The following RPS6KA2 variants were observed in gnomAD, a reference collection of about 807,000 sequenced individuals.
The protein encoded by RPS6KA2 is ribosomal protein S6 kinase alpha-2.
In RPS6KA2, 42 loss-of-function variants were observed where a neutral mutation model predicts 91.8. That is an observed-to-expected ratio of 0.46 (90% CI 0.36 to 0.59). RPS6KA2 has a LOEUF of 0.59. Ranked by LOEUF, RPS6KA2 falls within the 20% of genes least tolerant of loss-of-function variation. The pLI is 0.00. For missense variants in RPS6KA2, 798 were observed against 978.5 expected (o/e 0.82, Z 2.46); for synonymous variants, 414 against 393.6 (o/e 1.05, Z -0.61).
Position 166,445,706 on chromosome 6 carries a change from C to T in RPS6KA2, c.1332+3018G>A, listed in dbSNP as rs913833874. 6.6e-6 allele frequency among the ~76,000 whole-genome samples: 1 copy of T among 152,168 alleles called. No individual in the cohort carries two copies. The highest frequency in any genetic ancestry group is 6.5e-5 in the Admixed American group (1 of 15,280). On this transcript the variant is annotated intron_variant, in intron 14 of 20. Coordinates refer to ENST00000265678, the MANE Select transcript of RPS6KA2 (RefSeq NM_021135.6). This position sits in a 1 kb window ranked among gnomAD's most constrained non-coding sequence, Gnocchi z 4.5. ...CTCGGTGGGGACATTTCTGGGTCAT[C>T]CCTGCCATTGAATGGGAGGATGCCC...
At chr6:166,531,196 T>C (rs771580302) in intron 3 of RPS6KA2, 36 bp downstream of exon 3, 18 of 1,381,182 alleles carry the variant, frequency 1.3e-5, no homozygotes, top group Non-Finnish European at 8.2e-6. Context: ...TGCAGTTACC[T>C]GTCTCTGAAG....
intron 2 of RPS6KA2, among the ~76,000 whole-genome samples, chr6:166,676,519 C>T (rs1562377211): frequency 6.6e-6 from 1 of 152,110 alleles, no homozygotes; most frequent in East Asian, 1.9e-4. Flanking sequence ...GGGAAGATTC[C>T]TCTTGATTTG....
chr6:166,424,293 C>T (rs1209970862), intron 16 of RPS6KA2, among the ~76,000 whole-genome samples: 1 of 151,212 alleles, frequency 6.6e-6, no homozygotes, highest in Non-Finnish European at 1.5e-5. Flanking sequence ...AAGGGCTTCC[C>T]CTGAGTTTGA....
At chr6:166,460,962 G>A (rs1470929321) in intron 11 of RPS6KA2, 1 of 152,218 alleles carries the variant, frequency 6.6e-6, no homozygotes. Context: ...TCTGACATCT[G>A]GGTCCCACCT....
chr6:166,705,995 G>A (rs1337821147), intron 2 of RPS6KA2, among the ~76,000 whole-genome samples: 4 of 152,204 alleles, frequency 2.6e-5, no homozygotes, highest in African/African-American at 7.2e-5. Flanking sequence ...TCCACCACGT[G>A]AGGACTTGGC....
At chr6:166,581,384 C>T (rs1326568591) in intron 1 of RPS6KA2, among the ~76,000 whole-genome samples, 1 of 152,174 alleles carries the variant, frequency 6.6e-6, no homozygotes, top group Non-Finnish European at 1.5e-5. Flanking sequence ...TCTACACCCA[C>T]CTGGATGCGC....
Position 166,447,377 on chromosome 6 carries a change from T to C in RPS6KA2, c.1332+1347A>G, listed in dbSNP as rs888977295. ...AGATGGTATCAGAGCAAATCACAAATTGATTATTTCTCCATATTTAAACTT... is the reference window on the plus strand; with the variant it reads ...AGATGGTATCAGAGCAAATCACAAACTGATTATTTCTCCATATTTAAACTT... On this transcript the variant is annotated intron_variant, in intron 14 of 20. Transcript: ENST00000265678. Among the ~76,000 whole-genome samples the C allele has an allele frequency of 5.5e-4, 84 of 152,340 alleles. 1 individual carries two copies. Among genetic ancestry groups the C allele is most frequent in the Non-Finnish European group, 2.2e-4 (15 of 68,030 alleles).
intron 2 of RPS6KA2, among the ~76,000 whole-genome samples, chr6:166,776,479 A>G (rs1251225207): frequency 6.7e-6 from 1 of 148,760 alleles, no homozygotes; most frequent in African/African-American, 2.6e-5. Flanking sequence ...AACATGAATG[A>G]TGAGGTGGCG....
chr6:166,626,214 A>G lies in RPS6KA2; in HGVS notation c.99+707T>C, dbSNP rs111947964. 2.0e-3 allele frequency among the ~76,000 whole-genome samples: 308 copies of G among 152,358 alleles called. No individual in the cohort carries two copies. The highest frequency in any genetic ancestry group is 7.1e-3 in the African/African-American group (294 of 41,586). ...TTTGATGGTTGAAATAAAACACACCACGAGAGAACCGTCCACAAGGAAACT... is the reference window on the plus strand; with the variant it reads ...TTTGATGGTTGAAATAAAACACACCGCGAGAGAACCGTCCACAAGGAAACT... On this transcript the variant is annotated intron_variant, in intron 1 of 20. Transcript: ENST00000265678. This position sits in a 1 kb window ranked among gnomAD's most constrained non-coding sequence, Gnocchi z 4.1.
chr6:166,532,909 G>A (rs958560910), intron 2 of RPS6KA2, among the ~76,000 whole-genome samples: 2 of 152,126 alleles, frequency 1.3e-5, no homozygotes, highest in East Asian at 1.9e-4. Flanking sequence ...GCCCTGGGGC[G>A]ATAGCTGGGG....
At chr6:166,645,275 C>G (rs934266917) in intron 2 of RPS6KA2, among the ~76,000 whole-genome samples, 1 of 152,168 alleles carries the variant, frequency 6.6e-6, no homozygotes, top group Non-Finnish European at 1.5e-5. Context: ...CAAAGGGTGA[C>G]CAGGCTGCCA....
At chr6:166,717,676 A>G (rs1790050729) in intron 2 of RPS6KA2, among the ~76,000 whole-genome samples, 1 of 152,206 alleles carries the variant, frequency 6.6e-6, no homozygotes, top group Non-Finnish European at 1.5e-5. Context: ...GTGGTAGTGC[A>G]TATCTCTCTA....
Position 166,855,344 on chromosome 6 carries a change from C to T in RPS6KA2, c.123+2856G>A, listed in dbSNP as rs9364880. 0.022 allele frequency among the ~76,000 whole-genome samples: 3,205 copies of T among 147,936 alleles called. 233 individuals are homozygous for T. The East Asian group carries it at 0.27, about 13-fold the overall frequency. On this transcript the variant is annotated intron_variant, in intron 2 of 21. Coordinates refer to the RPS6KA2 transcript ENST00000503859. ...TAAATCTATTAAAAGACGAAGAAGA[C>T]GAAGAAGACAAAGATGAAGATGAAG...
intron 1 of RPS6KA2, among the ~76,000 whole-genome samples, chr6:166,545,894 A>G (rs1012829360): frequency 5.3e-5 from 8 of 152,206 alleles, no homozygotes; most frequent in African/African-American, 2.4e-5. Context: ...CCCACAGAAA[A>G]GACGTGCAAA....
intron 3 of RPS6KA2, among the ~76,000 whole-genome samples, chr6:166,527,723 C>G (rs115639476): frequency 6.6e-6 from 1 of 152,132 alleles, no homozygotes; most frequent in South Asian, 2.1e-4. Flanking sequence ...TCTCTCACCC[C>G]CCAGCCTAGG....
intron 3 of RPS6KA2, 148 bp from the exon 4 acceptor site, chr6:166,510,505 C>A (rs2128482747): frequency 2.7e-6 from 1 of 370,294 alleles, no homozygotes; most frequent in Non-Finnish European, 4.8e-6. Context: ...GTACAATAAT[C>A]CTAGATTTAA....
intron 8 of RPS6KA2, among the ~76,000 whole-genome samples, chr6:166,496,784 G>C (rs1781800688): frequency 6.6e-6 from 1 of 152,172 alleles, no homozygotes; most frequent in Non-Finnish European, 1.5e-5. Context: ...AGCGTGGCCA[G>C]CCCTGCTCTC....
intron 2 of RPS6KA2, among the ~76,000 whole-genome samples, chr6:166,775,775 C>T (rs951209152): frequency 6.6e-6 from 1 of 152,242 alleles, no homozygotes; most frequent in African/African-American, 2.4e-5. Flanking sequence ...AGACACATGA[C>T]GATGCTGTCG....
At chr6:166,446,340 C>T (rs73271205) in intron 14 of RPS6KA2, among the ~76,000 whole-genome samples, 5,480 of 152,276 alleles carry the variant, frequency 0.036, 338 homozygotes, top group African/African-American at 0.12. Flanking sequence ...TGCACCTTCC[C>T]GTGCTCGGTT....
Sources: gnomAD v4.1 joint callset for allele counts (sites outside exome capture counted in the v4.1 genomes callset) on GRCh38, gnomAD v4.1.1 for gene constraint, Gnocchi (gnomAD v3.1) non-coding constraint, MANE v1.5 for transcripts, NCBI Gene and HGNC (gene_info 2026-07-23, HGNC 2026-07-21) for gene names.